RPAP2: variants seen among roughly 807,000 people sequenced by gnomAD.
RPAP2 encodes RNA polymerase II associated protein 2, also known as putative RNA polymerase II subunit B1 CTD phosphatase RPAP2.
In RPAP2, 52 loss-of-function variants were observed where a neutral mutation model predicts 73.1. The ratio of observed to expected loss-of-function variants is 0.71; its 90% CI spans 0.57 to 0.90. The LOEUF is 0.90. RPAP2 is among the 40% of genes least tolerant of loss of function. The pLI, the probability that RPAP2 is intolerant of heterozygous loss-of-function variation, is 0.00. For synonymous variants in RPAP2, 225 were observed against 242.1 expected, an observed-to-expected ratio of 0.93 and a Z score of 0.65; for missense variants, 598 against 701.8, an observed-to-expected ratio of 0.85 and a Z score of 1.67.
At chr1:92,315,265 G>A (rs1651841656) in intron 6 of RPAP2, among the ~76,000 whole-genome samples, 1 of 152,186 alleles carries the variant, frequency 6.6e-6, no homozygotes, top group African/African-American at 2.4e-5. Context: ...CTGGTTGGTG[G>A]ATCAGTCAGA....
At position 92,324,030 on chromosome 1, in the gene RPAP2, G is replaced by A. The variant is rs1460444627; in HGVS notation, c.1110G>A (p.Leu370=). ...GAAAGAGAAACTTACTTAAAGTTTT[G>A]AAGGAGACTTTGATTGAGTGGAAGA... The part of the protein sequence containing the change: ...EVGKRNLLKV[L]KETLIEWKTE... Residue 370 remains leucine (L), a synonymous_variant, in exon 8 of 13, where the codon TTG becomes TTA. Transcript: ENST00000610020. 6.2e-7 allele frequency: 1 copy of A among 1,613,816 alleles called. No homozygotes were observed. Among genetic ancestry groups the A allele is most frequent in the African/African-American group, 1.3e-5 (1 of 74,880 alleles).
intron 8 of RPAP2, among the ~76,000 whole-genome samples, chr1:92,330,301 A>G (rs1190439198): frequency 6.6e-6 from 1 of 152,172 alleles, no homozygotes; most frequent in East Asian, 1.9e-4. Flanking sequence ...TTTTGGTTGT[A>G]ATCATTTGGT....
At chr1:92,364,791 G>A (rs1654871909) in intron 11 of RPAP2, among the ~76,000 whole-genome samples, 1 of 152,064 alleles carries the variant, frequency 6.6e-6, no homozygotes. Flanking sequence ...AGGTCTCCTT[G>A]CCGTGTGTCT....
chr1:92,313,366 C>T (rs555455314), intron 6 of RPAP2, among the ~76,000 whole-genome samples: 3 of 152,118 alleles, frequency 2.0e-5, no homozygotes, highest in Admixed American at 6.5e-5. Context: ...GAAAACAACA[C>T]TAATCTTGTA....
At chr1:92,351,396 T>C (rs1029355139) in intron 11 of RPAP2, among the ~76,000 whole-genome samples, 9 of 152,128 alleles carry the variant, frequency 5.9e-5, no homozygotes, top group African/African-American at 2.2e-4. Flanking sequence ...TCATATTTGT[T>C]TTTATATTCC....
Position 92,302,590 on chromosome 1 carries a change from A to ATAT in RPAP2, c.234+1001_234+1002insATT, listed in dbSNP as rs752272382. ...ACGGGAGAATTAAATTCCGCATTAA[A>ATAT]TTTTTTTTTTTTTTTTTTTTTTTTT... is the stretch of plus-strand genomic sequence containing the variant. On this transcript the variant is annotated intron_variant, in intron 3 of 12. Transcript: ENST00000610020. 1.4e-3 allele frequency among the ~76,000 whole-genome samples: 107 copies of ATAT among 74,342 alleles called. 1 individual carries two copies. The highest frequency in any genetic ancestry group is 5.9e-3 in the African/African-American group (103 of 17,584). 48.8% of individuals were successfully genotyped at this position (74,342 alleles called of 152,430 possible). A position where few individuals can be genotyped will look rare whatever the true frequency, so the allele number is the denominator to read the frequency against.
At chr1:92,364,987 A>C (rs1271465261) in intron 11 of RPAP2, among the ~76,000 whole-genome samples, 1 of 152,072 alleles carries the variant, frequency 6.6e-6, no homozygotes, top group Non-Finnish European at 1.5e-5. Flanking sequence ...TTTCCCTTTT[A>C]TGTCTTCACA....
In RPAP2 at chr1:92,396,920, G is replaced by A. The variant is rs11164349; in HGVS notation, c.*9909G>A. 72,187 of 151,982 alleles carry A rather than the reference G, an allele frequency of 0.47. 18,163 individuals carry two copies. The highest frequency in any genetic ancestry group is 0.96 in the East Asian group (4,992 of 5,178). 9.4% of individuals were successfully genotyped at this position (151,982 alleles called of 1,614,324 possible). ...CTCCCAAAGCGCTGGGATTACAGGC[G>A]TGAGCCACCACACCCAGCCATTTTT... On this transcript the variant is annotated 3_prime_UTR_variant, in exon 13 of 13. Coordinates refer to ENST00000610020, the MANE Select transcript of RPAP2 (RefSeq NM_024813.3).
chr1:92,387,000 T>C lies in RPAP2; in HGVS notation c.*-11T>C, dbSNP rs1313870192. ...CATGTTTTACTCAAAGTATCCTTTT[T>C]TGCTTCACAGATATATTCCATGAAG... On this transcript the variant is annotated splice_polypyrimidine_tract_variant and intron_variant, in intron 12 of 12. Coordinates refer to ENST00000610020, the MANE Select transcript of RPAP2 (RefSeq NM_024813.3). 2 of 1,590,268 alleles carry C rather than the reference T, an allele frequency of 1.3e-6. No individual in the cohort carries two copies. Among genetic ancestry groups the C allele is most frequent in the African/African-American group, 2.7e-5 (2 of 74,480 alleles).
chr1:92,343,433 C>A (rs77983011), intron 10 of RPAP2, among the ~76,000 whole-genome samples: 2,119 of 152,176 alleles, frequency 0.014, 48 homozygotes, highest in African/African-American at 0.048. Context: ...GATATTAAAC[C>A]CATATCTTTC....
At chr1:92,329,716 C>T (rs2101209548) in intron 8 of RPAP2, among the ~76,000 whole-genome samples, 1 of 152,180 alleles carries the variant, frequency 6.6e-6, no homozygotes, top group South Asian at 2.1e-4. Flanking sequence ...TAATATTAAA[C>T]CAACTTTGCA....
intron 10 of RPAP2, among the ~76,000 whole-genome samples, chr1:92,339,435 T>G (rs1653476141): frequency 6.6e-6 from 1 of 151,368 alleles, no homozygotes; most frequent in Non-Finnish European, 1.5e-5. Context: ...TAGTCAAAGC[T>G]GAGAACCTAC....
chr1:92,333,055 G>T (rs1471503417), intron 8 of RPAP2, among the ~76,000 whole-genome samples: 1 of 151,856 alleles, frequency 6.6e-6, no homozygotes, highest in Non-Finnish European at 1.5e-5. Flanking sequence ...TATAGTATTT[G>T]CTAATTTTAA....
intron 7 of RPAP2, among the ~76,000 whole-genome samples, chr1:92,321,008 CTTAA>C (rs2101164987): frequency 6.6e-6 from 1 of 152,302 alleles, no homozygotes; most frequent in East Asian, 1.9e-4. Flanking sequence ...GTACCAGTTA[CTTAA>C]TTATTTGAAA....
chr1:92,363,239 G>C (rs1165234925), intron 11 of RPAP2, among the ~76,000 whole-genome samples: 2 of 152,112 alleles, frequency 1.3e-5, no homozygotes, highest in African/African-American at 4.8e-5. Context: ...ATTTGTTTTG[G>C]ATAGAAACAG....
At chr1:92,330,439 ATTTTTTTTTTTTT>A (rs35101382) in intron 8 of RPAP2, among the ~76,000 whole-genome samples, 1 of 61,450 alleles carries the variant, frequency 1.6e-5, no homozygotes, top group African/African-American at 7.0e-5. Context: ...TGGGTTGTCA[ATTTTTTTTTTTTT>A]TTTTTTTTTT....
chr1:92,364,724 AC>A (rs1272409624), intron 11 of RPAP2, among the ~76,000 whole-genome samples: 1 of 152,058 alleles, frequency 6.6e-6, no homozygotes, highest in Non-Finnish European at 1.5e-5. Context: ...ACTGCTACTA[AC>A]CCACATTAGG....
At chr1:92,312,418 C>CA (rs55719262) in intron 6 of RPAP2, among the ~76,000 whole-genome samples, 149 of 146,760 alleles carry the variant, frequency 1.0e-3, no homozygotes, top group Non-Finnish European at 1.0e-3. Context: ...GACCGTGTCT[C>CA]AAAAAAAAAA....
intron 12 of RPAP2, among the ~76,000 whole-genome samples, chr1:92,384,546 C>T (rs769362753): frequency 2.0e-5 from 3 of 151,114 alleles, no homozygotes; most frequent in African/African-American, 4.9e-5. Flanking sequence ...ATCACTTGAA[C>T]TCAGGAGGTG....
Sources: gnomAD v4.1 joint callset for allele counts (sites outside exome capture counted in the v4.1 genomes callset) on GRCh38, gnomAD v4.1.1 for gene constraint, MANE v1.5 for transcripts, NCBI Gene and HGNC (gene_info 2026-07-23, HGNC 2026-07-21) for gene names.